Variants in WDFY4 observed in about 807,000 individuals in gnomAD.
WDFY4 encodes WDFY family member 4.
WDFY4 carries 169 observed loss-of-function variants against 351.9 expected under a neutral mutation model. The observed-to-expected ratio is 0.48, with a 90% CI of 0.42 to 0.55. The LOEUF is 0.55. Ranked by LOEUF, WDFY4 falls within the 20% of genes least tolerant of loss-of-function variation. WDFY4 has a pLI of 0.00. For missense variants in WDFY4, 3,803 were observed against 3,935.6 expected (o/e 0.97, Z 0.90); for synonymous variants, 1,622 against 1,574.6 (o/e 1.03, Z -0.71).
intron 2 of WDFY4, among the ~76,000 whole-genome samples, chr10:48,713,188 T>A (rs1277757828): frequency 6.6e-6 from 1 of 152,172 alleles, no homozygotes; most frequent in East Asian, 1.9e-4. Context: ...TATGTTGTAG[T>A]TGGGGCTGGG....
chr10:48,982,505 C>A lies in WDFY4; in HGVS notation c.9489-4C>A. Reference sequence around the variant, plus strand: ...CGTTCTTGTCTTTTCTTTCTCTTCCCAAGAAACCACACCAAACTCCTGGTT... The same window carrying A: ...CGTTCTTGTCTTTTCTTTCTCTTCCAAAGAAACCACACCAAACTCCTGGTT... On this transcript the variant is annotated splice_polypyrimidine_tract_variant and splice_region_variant and intron_variant, in intron 61 of 61. Coordinates refer to ENST00000325239, the MANE Select transcript of WDFY4 (RefSeq NM_001394531.1). 1.3e-6 allele frequency: 2 copies of A among 1,507,846 alleles called. No homozygotes were observed. The highest frequency in any genetic ancestry group is 1.8e-6 in the Non-Finnish European group (2 of 1,123,298). 93.4% of individuals were successfully genotyped at this position (1,507,846 alleles called of 1,614,324 possible).
At position 48,777,403 on chromosome 10, in the gene WDFY4, A is replaced by T; in HGVS notation, c.3099-16A>T. 2 of 1,551,002 alleles carry T rather than the reference A, an allele frequency of 1.3e-6. No homozygotes were observed. The highest frequency in any genetic ancestry group is 8.7e-7 in the Non-Finnish European group (1 of 1,146,436). ...GGCTTGCAGTCCAATGATCTGAGAC[A>T]ATTTTCTATTTCCAGCTGTTTGTTT... is the stretch of plus-strand genomic sequence containing the variant. On this transcript the variant is annotated splice_polypyrimidine_tract_variant and intron_variant, in intron 16 of 61. Coordinates refer to ENST00000325239, the MANE Select transcript of WDFY4 (RefSeq NM_001394531.1).
chr10:48,804,713 T>C, intron 25 of WDFY4: 1 of 985,202 alleles, frequency 1.0e-6, no homozygotes, highest in South Asian at 4.7e-5. Context: ...ATATTTATCC[T>C]GGGAGCTGTT....
chr10:48,893,183 C>T (rs1277855588), intron 44 of WDFY4, among the ~76,000 whole-genome samples: 1 of 152,212 alleles, frequency 6.6e-6, no homozygotes, highest in Admixed American at 6.5e-5. Context: ...GTCATCTTGT[C>T]CCTGTATCTT....
chr10:48,781,997 T>G (rs1460925018), intron 19 of WDFY4, among the ~76,000 whole-genome samples: 1 of 152,202 alleles, frequency 6.6e-6, no homozygotes, highest in Non-Finnish European at 1.5e-5. Context: ...GAAACTAGAT[T>G]CATTTTAGGT....
chr10:48,820,523 A>T (rs2067785223), intron 33 of WDFY4, 86 bp downstream of exon 33: 1 of 1,411,058 alleles, frequency 7.1e-7, no homozygotes, highest in African/African-American at 1.4e-5. Flanking sequence ...ACCCAGGGAG[A>T]CAGAGGGCCT....
chr10:48,776,330 C>T (rs779644497), intron 15 of WDFY4, among the ~76,000 whole-genome samples: 9 of 152,146 alleles, frequency 5.9e-5, no homozygotes, highest in African/African-American at 1.7e-4. Flanking sequence ...AGCAAGGGTG[C>T]GGGATCAGGC....
rs555709012 is a variant in WDFY4, at chr10:48,880,580, C to T, written c.7167+3381C>T. Reference sequence around the variant, plus strand: ...GAGCATGTGGAACCCGGTGGGCGGTCGGGAGGGGAAAGAGCAGGAGCTGTC... The same window carrying T: ...GAGCATGTGGAACCCGGTGGGCGGTTGGGAGGGGAAAGAGCAGGAGCTGTC... On this transcript the variant is annotated intron_variant, in intron 43 of 61. Transcript: ENST00000325239. 2.6e-5 allele frequency among the ~76,000 whole-genome samples: 4 copies of T among 152,182 alleles called. No individual in the cohort carries two copies. The East Asian group carries it at 5.8e-4, about 22-fold the overall frequency.
intron 47 of WDFY4, chr10:48,913,944 T>C (rs746821586): frequency 1.6e-5 from 26 of 1,614,000 alleles, no homozygotes; most frequent in Non-Finnish European, 2.1e-5. Context: ...GTTCTGGAAC[T>C]TGGAGATGGA....
chr10:48,784,841 C>A (rs1457517655), intron 19 of WDFY4, among the ~76,000 whole-genome samples: 1 of 125,398 alleles, frequency 8.0e-6, no homozygotes, highest in African/African-American at 3.2e-5. Flanking sequence ...CACCCAGTTG[C>A]ATCGTTTACT....
In WDFY4 at chr10:48,719,994, C is replaced by T. The variant is rs199942236; in HGVS notation, c.235-17C>T. ...GTGGCATTGCTATCTCTGACCAAGT[C>T]CCATCTGTTGCTTCAGGCCTGGGAA... On this transcript the variant is annotated splice_polypyrimidine_tract_variant and intron_variant, in intron 2 of 61. Coordinates refer to ENST00000325239, the MANE Select transcript of WDFY4 (RefSeq NM_001394531.1). The T allele has an allele frequency of 6.5e-7, 1 of 1,550,134 alleles. No individual in the cohort carries two copies. Among genetic ancestry groups the T allele is most frequent in the Non-Finnish European group, 8.7e-7 (1 of 1,145,650 alleles).
At chr10:48,871,439 G>T (rs537815069) in intron 40 of WDFY4, among the ~76,000 whole-genome samples, 1 of 150,978 alleles carries the variant, frequency 6.6e-6, no homozygotes, top group South Asian at 2.1e-4. Flanking sequence ...TGGATAGTCA[G>T]TTGGATAGTC....
intron 5 of WDFY4, among the ~76,000 whole-genome samples, chr10:48,725,664 G>C: frequency 6.6e-6 from 1 of 152,158 alleles, no homozygotes; most frequent in East Asian, 1.9e-4. Context: ...TACTTGTATA[G>C]GGTTAATGCG....
rs143645562 is a variant in WDFY4 at position 48,731,000 on chromosome 10, G to A, written c.1130-110G>A. On this transcript the variant is annotated intron_variant, in intron 8 of 61. Transcript: ENST00000325239. ...TTCTGATGGACATGTGCCCATAGGA[G>A]TTAGAACACAGAAACTTCAAATGGC... The A allele has an allele frequency of 4.6e-4, 566 of 1,226,486 alleles. 4 individuals are homozygous for A. In the African/African-American group the frequency reaches 7.9e-3, roughly 17 times the overall value. The allele number at this position is 1,226,486 out of a possible 1,614,324, so 76.0% of individuals were successfully genotyped here. A position where few individuals can be genotyped will look rare whatever the true frequency, so the allele number is the denominator to read the frequency against.
chr10:48,788,528 A>C lies in WDFY4; in HGVS notation c.3809-2A>C. 6.4e-7 allele frequency: 1 copy of C among 1,551,518 alleles called. No homozygotes were observed. The highest frequency in any genetic ancestry group is 1.2e-5 in the South Asian group (1 of 84,032). ...GAAATGTTTAAAGATGTGTTGTTAC[A>C]GGGGAGGACCTGGACAGTGAAGCCA... On this transcript the variant is annotated splice_acceptor_variant, in intron 20 of 61. Coordinates refer to ENST00000325239, the MANE Select transcript of WDFY4 (RefSeq NM_001394531.1). LOFTEE classifies it high-confidence loss of function.
chr10:48,912,612 C>A (rs989600776), intron 47 of WDFY4, among the ~76,000 whole-genome samples: 1 of 152,366 alleles, frequency 6.6e-6, no homozygotes, highest in Middle Eastern at 3.4e-3. Flanking sequence ...GACACGGCCC[C>A]TGCACCTAGC....
intron 2 of WDFY4, among the ~76,000 whole-genome samples, chr10:48,711,981 T>A (rs1449896147): frequency 2.0e-5 from 3 of 152,228 alleles, no homozygotes; most frequent in Non-Finnish European, 4.4e-5. Flanking sequence ...TACTAATGAA[T>A]GTTATGTCAC....
chr10:48,815,891 GT>G (rs1371702122), intron 31 of WDFY4, among the ~76,000 whole-genome samples: 5 of 151,800 alleles, frequency 3.3e-5, no homozygotes, highest in Non-Finnish European at 7.4e-5. Context: ...CTGCAATTTA[GT>G]TTTTGTTGAA....
intron 11 of WDFY4, among the ~76,000 whole-genome samples, chr10:48,736,958 A>C (rs1186317433): frequency 6.6e-6 from 1 of 152,246 alleles, no homozygotes; most frequent in African/African-American, 2.4e-5. Flanking sequence ...TATTGTTAAC[A>C]TTCATCAATT....
Sources: gnomAD v4.1 joint callset for allele counts (sites outside exome capture counted in the v4.1 genomes callset) on GRCh38, gnomAD v4.1.1 for gene constraint, MANE v1.5 for transcripts, NCBI Gene and HGNC (gene_info 2026-07-23, HGNC 2026-07-21) for gene names.